MRPS18B: variants seen among roughly 807,000 people sequenced by gnomAD.
MRPS18B encodes small ribosomal subunit protein mS40.
MRPS18B carries 27 observed loss-of-function variants against 28.4 expected under a neutral mutation model. The observed-to-expected ratio is 0.95, with a 90% CI of 0.70 to 1.31. The LOEUF (loss-of-function observed/expected upper bound fraction) is 1.31. Among genes scored for constraint, MRPS18B ranks in the 40% most tolerant of loss-of-function variants. The pLI is 0.00. For missense variants in MRPS18B, 343 were observed against 335.9 expected (o/e 1.02, Z -0.17); for synonymous variants, 118 against 123.7 (o/e 0.95, Z 0.30).
chr6:30,619,735 C>T lies in MRPS18B; in HGVS notation c.214C>T (p.Pro72Ser), dbSNP rs1189895595. The T allele has an allele frequency of 6.2e-7, 1 of 1,614,088 alleles. No individual in the cohort carries two copies. Among genetic ancestry groups the T allele is most frequent in the African/African-American group, 1.3e-5 (1 of 74,942 alleles). ...EEYQERYGSR[P>S]VWADYRRNHK... ...ATACCAGGAGCGATATGGTTCTCGC[C>T]CCGTCTGGGCTGACTACCGCCGCAA... Residue 72 changes from proline (P) to serine (S), a missense_variant, in exon 3 of 7, where the codon CCC becomes TCC. Physicochemically the swap from Pro to Ser is moderately conservative, Grantham distance 74 (BLOSUM62 -1). Transcript: ENST00000259873.
In MRPS18B at chr6:30,625,521, C is replaced by A; in HGVS notation, c.501C>A (p.Ile167=). 6.4e-7 allele frequency: 1 copy of A among 1,568,848 alleles called. No individual in the cohort carries two copies. ...ARDHGLLIYH[I]PQVEPRDLDF... ...CCTTAGGTCTCCTCATTTACCACAT[C>A]CCCCAGGTTGAACCACGGGACCTTG... The change falls in exon 7 of 7, where the codon ATC becomes ATA. Residue 167 remains isoleucine (I), a synonymous_variant. Coordinates refer to ENST00000259873, the MANE Select transcript of MRPS18B (RefSeq NM_014046.4).
intron 1 of MRPS18B, among the ~76,000 whole-genome samples, chr6:30,619,174 C>T (rs1008952676): frequency 6.6e-6 from 1 of 152,180 alleles, no homozygotes; most frequent in Non-Finnish European, 1.5e-5. Context: ...CCTGGGCCTC[C>T]CAAAGTGCTG....
At chr6:30,621,592 G>A (rs1287603144) in intron 4 of MRPS18B, among the ~76,000 whole-genome samples, 1 of 152,084 alleles carries the variant, frequency 6.6e-6, no homozygotes, top group Non-Finnish European at 1.5e-5. Context: ...TTCTAACACA[G>A]GTTATTTAGG....
At position 30,619,844 on chromosome 6, in the gene MRPS18B, C is replaced by T. The variant is rs150099195; in HGVS notation, c.285+38C>T. ...GAGTGGGATGTGGAGTGCGGGGAGG[C>T]CACAAGTAACAGTAACAGCAGCACT... On this transcript the variant is annotated intron_variant, in intron 3 of 6. Transcript: ENST00000259873. 119 of 1,609,404 alleles carry T rather than the reference C, an allele frequency of 7.4e-5. No homozygotes were observed. In the African/African-American group the frequency reaches 1.3e-3, roughly 17 times the overall value.
At chr6:30,619,655 G>C in intron 2 of MRPS18B, 54 bp downstream of exon 2, 1 of 1,608,970 alleles carries the variant, frequency 6.2e-7, no homozygotes, top group Non-Finnish European at 8.5e-7. Context: ...TAAGTGGACA[G>C]AGCCACCCAC....
Position 30,624,961 on chromosome 6 carries a change from A to C in MRPS18B, c.481+19A>C. On this transcript the variant is annotated intron_variant, in intron 6 of 6. Transcript: ENST00000259873. ...GATCATGGTGAGCATGAGACGGGGCACACAGCAGTTTTGTTTAGGTATAAG... is the reference window on the plus strand; with the variant it reads ...GATCATGGTGAGCATGAGACGGGGCCCACAGCAGTTTTGTTTAGGTATAAG... 6.2e-7 allele frequency: 1 copy of C among 1,612,898 alleles called. No homozygotes were observed. The highest frequency in any genetic ancestry group is 8.5e-7 in the Non-Finnish European group (1 of 1,179,846).
At chr6:30,625,441 A>T (rs984883888) in intron 6 of MRPS18B, 61 bp from the exon 7 acceptor site, 17 of 1,408,784 alleles carry the variant, frequency 1.2e-5, no homozygotes, top group Non-Finnish European at 1.6e-5. Context: ...CCTTTTTCTT[A>T]CTTCATCTAA....
At position 30,625,966 on chromosome 6, in the gene MRPS18B, G is replaced by A; in HGVS notation, c.*169G>A. 5.9e-6 allele frequency: 4 copies of A among 673,718 alleles called. No individual in the cohort carries two copies. The highest frequency in any genetic ancestry group is 3.9e-5 in the South Asian group (2 of 51,044). The allele number at this position is 673,718 out of a possible 1,614,324, so 41.7% of individuals were successfully genotyped here. ...AAAATACAAAAATTAGCTGGGTGTGGTGGTGCACACCTGTAGTCTCAACTA... is the reference window on the plus strand; with the variant it reads ...AAAATACAAAAATTAGCTGGGTGTGATGGTGCACACCTGTAGTCTCAACTA... On this transcript the variant is annotated 3_prime_UTR_variant, in exon 7 of 7. Transcript: ENST00000259873.
chr6:30,619,862 G>A (rs1582701331), intron 3 of MRPS18B, 56 bp downstream of exon 3: 1 of 1,609,496 alleles, frequency 6.2e-7, no homozygotes, highest in Non-Finnish European at 8.5e-7. Context: ...AACAGTAACA[G>A]CAGCACTTTT....
Position 30,622,777 on chromosome 6 carries a change from C to T in MRPS18B, c.355-55C>T, listed in dbSNP as rs140943020. 5.3e-4 allele frequency: 827 copies of T among 1,547,786 alleles called. 5 individuals are homozygous for T. Among genetic ancestry groups the T allele is most frequent in the African/African-American group, 5.2e-3 (380 of 73,442 alleles). ...TTGTGTACTTTCGATGTCCAAAGAT[C>T]CTGCTGCTCTCCCTGCCTCTTTTCC... On this transcript the variant is annotated intron_variant, in intron 4 of 6. Coordinates refer to ENST00000259873, the MANE Select transcript of MRPS18B (RefSeq NM_014046.4).
At chr6:30,619,385 T>G in intron 1 of MRPS18B, 108 bp from the exon 2 acceptor site, 3 of 826,626 alleles carry the variant, frequency 3.6e-6, no homozygotes, top group Non-Finnish European at 5.8e-6. Flanking sequence ...TCCTGTTATA[T>G]TCCATTAATG....
Position 30,625,869 on chromosome 6 carries a change from G to A in MRPS18B, c.*72G>A, listed in dbSNP as rs551582747. 1.4e-6 allele frequency: 2 copies of A among 1,473,640 alleles called. No homozygotes were observed. Among genetic ancestry groups the A allele is most frequent in the African/African-American group, 2.8e-5 (2 of 71,346 alleles). The allele number at this position is 1,473,640 out of a possible 1,614,324, so 91.3% of individuals were successfully genotyped here. ...TAATCCCAGCACTTTGGGAAGCCAAGGTGGGCTGATCACTTGATCCCAGGA... is the reference window on the plus strand; with the variant it reads ...TAATCCCAGCACTTTGGGAAGCCAAAGTGGGCTGATCACTTGATCCCAGGA... On this transcript the variant is annotated 3_prime_UTR_variant, in exon 7 of 7. Coordinates refer to ENST00000259873, the MANE Select transcript of MRPS18B (RefSeq NM_014046.4).
intron 1 of MRPS18B, 94 bp from the exon 2 acceptor site, chr6:30,619,399 T>C (rs1447292715): frequency 1.1e-6 from 1 of 941,300 alleles, no homozygotes; most frequent in East Asian, 2.4e-5. Flanking sequence ...ATTAATGCAG[T>C]ATGTGTGCAT....
At chr6:30,624,967 C>T in intron 6 of MRPS18B, 25 bp downstream of exon 6, 2 of 1,612,654 alleles carry the variant, frequency 1.2e-6, no homozygotes, top group Non-Finnish European at 1.7e-6. Context: ...GGGCACACAG[C>T]AGTTTTGTTT....
chr6:30,618,790 C>T (rs1158856676), intron 1 of MRPS18B, among the ~76,000 whole-genome samples: 1 of 152,188 alleles, frequency 6.6e-6, no homozygotes, highest in Non-Finnish European at 1.5e-5. Flanking sequence ...TGGAGACTCA[C>T]CTGTCTTCTG....
intron 5 of MRPS18B, 78 bp downstream of exon 5, chr6:30,622,976 T>C: frequency 7.1e-7 from 1 of 1,406,162 alleles, no homozygotes; most frequent in Non-Finnish European, 1.0e-6. Context: ...CAATAGGTAT[T>C]TGTTCAGTGG....
At position 30,625,548 on chromosome 6, in the gene MRPS18B, C is replaced by T; in HGVS notation, c.528C>T (p.Asp176=). 3 of 1,596,728 alleles carry T rather than the reference C, an allele frequency of 1.9e-6. No homozygotes were observed. The highest frequency in any genetic ancestry group is 2.6e-6 in the Non-Finnish European group (3 of 1,166,836). ...HIPQVEPRDL[D]FSTSHGAVSA... is the part of the protein sequence containing the mutation. Reference sequence around the variant, plus strand: ...CCCAGGTTGAACCACGGGACCTTGACTTCAGTACCTCTCATGGGGCTGTGA... The same window carrying T: ...CCCAGGTTGAACCACGGGACCTTGATTTCAGTACCTCTCATGGGGCTGTGA... The change falls in exon 7 of 7, where the codon GAC becomes GAT. Residue 176 remains aspartate, a synonymous_variant. Transcript: ENST00000259873.
chr6:30,622,074 C>T (rs1220912817), intron 4 of MRPS18B, among the ~76,000 whole-genome samples: 1 of 151,910 alleles, frequency 6.6e-6, no homozygotes, highest in East Asian at 1.9e-4. Flanking sequence ...TTTCAAGAGT[C>T]TCATTTCCTA....
chr6:30,624,862 A>G lies in MRPS18B; in HGVS notation c.422-21A>G. On this transcript the variant is annotated intron_variant, in intron 5 of 6. Transcript: ENST00000259873. The stretch of plus-strand genomic sequence containing the variant: ...TATTATTTACTGTGCCTTAAAGAAC[A>G]AGATATTTTTCTCCCCACAGGAGTC... 1.9e-6 allele frequency: 3 copies of G among 1,612,196 alleles called. No homozygotes were observed. In the African/African-American group the frequency reaches 4.0e-5, roughly 21 times the overall value.
Sources: gnomAD v4.1 joint callset for allele counts (sites outside exome capture counted in the v4.1 genomes callset) on GRCh38, gnomAD v4.1.1 for gene constraint, MANE v1.5 for transcripts, NCBI Gene and HGNC (gene_info 2026-07-23, HGNC 2026-07-21) for gene names.